CHSY3: variants seen among roughly 807,000 people sequenced by gnomAD.
CHSY3 encodes the protein chondroitin sulfate synthase 3, also known as N-acetylgalactosaminyl-proteoglycan 3-beta-glucuronosyltransferase 3.
In CHSY3, 35 loss-of-function variants were observed where a neutral mutation model predicts 67.2. That is an observed-to-expected ratio of 0.52 (90% confidence interval 0.40 to 0.69). CHSY3 has a LOEUF of 0.69. CHSY3 is among the 30% of genes least tolerant of loss of function. The pLI is 0.00. For synonymous variants in CHSY3, 474 were observed against 434.7 expected, an observed-to-expected ratio of 1.09 and a Z score of -1.12; for missense variants, 1,069 against 1,138.5, an observed-to-expected ratio of 0.94 and a Z score of 0.88.
intron 2 of CHSY3, among the ~76,000 whole-genome samples, chr5:130,143,744 A>ATATATATATATATGTGTGTGTGTG (rs1768955105): frequency 8.7e-6 from 1 of 114,640 alleles, no homozygotes; most frequent in Non-Finnish European, 1.7e-5. Flanking sequence ...GTATATATAT[A>ATATATATATATATGTGTGTGTGTG]TATATATATA....
chr5:130,150,091 G>A (rs961988536), intron 2 of CHSY3, among the ~76,000 whole-genome samples: 4 of 152,036 alleles, frequency 2.6e-5, no homozygotes, highest in Non-Finnish European at 5.9e-5. Context: ...TCCAAATTTT[G>A]TAAAGTAAGT....
At chr5:129,909,457 T>G (rs1042749652) in intron 2 of CHSY3, among the ~76,000 whole-genome samples, 1 of 152,094 alleles carries the variant, frequency 6.6e-6, no homozygotes, top group African/African-American at 2.4e-5. Context: ...TCACTATAGT[T>G]AATTTTGCTT....
intron 2 of CHSY3, among the ~76,000 whole-genome samples, chr5:130,023,775 T>A (rs1314967933): frequency 2.0e-5 from 3 of 152,028 alleles, no homozygotes; most frequent in African/African-American, 7.2e-5. Context: ...TTTTCTGTTT[T>A]TTTTGGTCTC....
In CHSY3 at chr5:130,186,554, G is replaced by T. The variant is rs1420965746; in HGVS notation, c.*763G>T. ...TATGAAACAATGTCCTTCATTTGCT[G>T]GCAAGAAGATAAAATATGACAGAAC... On this transcript the variant is annotated 3_prime_UTR_variant, in exon 3 of 3. Coordinates refer to ENST00000305031, the MANE Select transcript of CHSY3 (RefSeq NM_175856.5). 1 of 152,626 alleles carries T rather than the reference G, an allele frequency of 6.6e-6. No homozygotes were observed. The highest frequency in any genetic ancestry group is 2.4e-5 in the African/African-American group (1 of 41,394). The allele number at this position is 152,626 out of a possible 1,614,324, so 9.5% of individuals were successfully genotyped here.
intron 2 of CHSY3, among the ~76,000 whole-genome samples, chr5:130,178,185 GTGTATATATATATATTTA>G (rs1452008344): frequency 2.0e-5 from 2 of 101,878 alleles, no homozygotes; most frequent in Non-Finnish European, 3.9e-5. Flanking sequence ...ATATGTGTGT[GTGTATATATATATATTTA>G]TATATATATG....
chr5:129,905,883 G>GA, intron 1 of CHSY3: 1 of 784,702 alleles, frequency 1.3e-6, no homozygotes, highest in Non-Finnish European at 1.9e-6. Context: ...TGTTTTCGGT[G>GA]CCGCCTCGCG....
intron 2 of CHSY3, among the ~76,000 whole-genome samples, chr5:129,918,189 T>C (rs1760796023): frequency 6.6e-6 from 1 of 152,212 alleles, no homozygotes; most frequent in South Asian, 2.1e-4. Flanking sequence ...AATTACCCTT[T>C]TCTTAAAAAA....
chr5:129,946,751 G>A (rs1341540288), intron 2 of CHSY3, among the ~76,000 whole-genome samples: 1 of 152,050 alleles, frequency 6.6e-6, no homozygotes, highest in Non-Finnish European at 1.5e-5. Flanking sequence ...TGTTGCAAAT[G>A]GCAAGATATC....
intron 2 of CHSY3, among the ~76,000 whole-genome samples, chr5:130,156,900 A>G (rs1769388496): frequency 6.6e-6 from 1 of 152,218 alleles, no homozygotes; most frequent in African/African-American, 2.4e-5. Context: ...CTCTCTTAGA[A>G]TCTACAAATA....
chr5:130,036,100 A>T lies in CHSY3; in HGVS notation c.1086+127740A>T, dbSNP rs148943886. Among the ~76,000 whole-genome samples the T allele has an allele frequency of 1.2e-4, 18 of 152,130 alleles. No individual in the cohort carries two copies. The East Asian group carries it at 3.3e-3, about 28-fold the overall frequency. Reference sequence around the variant, plus strand: ...AAAAATATGGGAAGATAGATTTAGCATCTCAGTGTTGCTGAGCACTCTAGT... The same window carrying T: ...AAAAATATGGGAAGATAGATTTAGCTTCTCAGTGTTGCTGAGCACTCTAGT... On this transcript the variant is annotated intron_variant, in intron 2 of 2. Transcript: ENST00000305031.
At chr5:129,906,646 A>C in intron 1 of CHSY3, among the ~76,000 whole-genome samples, 1 of 152,222 alleles carries the variant, frequency 6.6e-6, no homozygotes, top group East Asian at 1.9e-4. Context: ...GAATCTTTCC[A>C]GTCCAGCCAG....
chr5:130,050,369 G>T (rs1580684809), intron 2 of CHSY3, among the ~76,000 whole-genome samples: 2 of 152,058 alleles, frequency 1.3e-5, no homozygotes, highest in Admixed American at 6.6e-5. Flanking sequence ...TGATAAAGGG[G>T]TGCATTAGAA....
At chr5:130,173,956 T>C (rs1769970250) in intron 2 of CHSY3, among the ~76,000 whole-genome samples, 1 of 152,064 alleles carries the variant, frequency 6.6e-6, no homozygotes, top group Non-Finnish European at 1.5e-5. Flanking sequence ...TTCACTATTT[T>C]ACTTAGAATT....
At chr5:130,113,083 T>A (rs894745180) in intron 2 of CHSY3, among the ~76,000 whole-genome samples, 2 of 150,764 alleles carry the variant, frequency 1.3e-5, no homozygotes, top group East Asian at 3.9e-4. Flanking sequence ...TTTGTGATCA[T>A]GAGTCATGTT....
At chr5:130,025,478 T>C (rs1219691973) in intron 2 of CHSY3, among the ~76,000 whole-genome samples, 1 of 152,106 alleles carries the variant, frequency 6.6e-6, no homozygotes, top group Non-Finnish European at 1.5e-5. Flanking sequence ...ATGTGCCCTA[T>C]AACAAAAGAA....
chr5:130,073,692 A>G (rs1766161379), intron 2 of CHSY3, among the ~76,000 whole-genome samples: 2 of 152,060 alleles, frequency 1.3e-5, no homozygotes, highest in Admixed American at 1.3e-4. Context: ...AGCCAAAAAT[A>G]AATTTTCAAA....
At chr5:129,959,171 C>T (rs1762261612) in intron 2 of CHSY3, among the ~76,000 whole-genome samples, 3 of 152,096 alleles carry the variant, frequency 2.0e-5, no homozygotes, top group South Asian at 4.2e-4. Context: ...TTAATCTTGT[C>T]CTGAATAAGA....
At chr5:130,067,141 T>C (rs935068107) in intron 2 of CHSY3, among the ~76,000 whole-genome samples, 1 of 152,166 alleles carries the variant, frequency 6.6e-6, no homozygotes, top group Non-Finnish European at 1.5e-5. Flanking sequence ...CTTAGTTTGC[T>C]GAAACTCACA....
At chr5:130,001,853 C>A (rs916802677) in intron 2 of CHSY3, 59 of 899,706 alleles carry the variant, frequency 6.6e-5, no homozygotes, top group Non-Finnish European at 7.7e-5. Context: ...GAAATTTAAC[C>A]CACTAATATA....
Sources: allele counts gnomAD v4.1 joint callset (sites outside exome capture counted in the v4.1 genomes callset), GRCh38; gene constraint gnomAD v4.1.1; transcripts MANE v1.5; gene names NCBI Gene and HGNC (gene_info 2026-07-23, HGNC 2026-07-21).